Variants in MCPH1 observed in about 807,000 individuals in gnomAD.
MCPH1 encodes the protein microcephalin 1.
In MCPH1, 104 loss-of-function variants were observed where a neutral mutation model predicts 84.5. The observed-to-expected ratio is 1.23, with a 90% CI of 1.05 to 1.45. The LOEUF is 1.45. Ranked by LOEUF, MCPH1 falls within the 40% of genes most tolerant of loss-of-function variation. The pLI, the probability that MCPH1 is intolerant of heterozygous loss-of-function variation, is 0.00. For synonymous variants in MCPH1, 514 were observed against 366.8 expected, an observed-to-expected ratio of 1.40 and a Z score of -4.58; for missense variants, 1,498 against 1,005.7, an observed-to-expected ratio of 1.49 and a Z score of -6.62.
At chr8:6,459,000 A>G (rs1421945426) in intron 9 of MCPH1, among the ~76,000 whole-genome samples, 3 of 152,204 alleles carry the variant, frequency 2.0e-5, no homozygotes, top group Non-Finnish European at 4.4e-5. Flanking sequence ...ATCTTTTGAT[A>G]TGAGCATGGG....
At chr8:6,605,495 G>A (rs1024580496) in intron 12 of MCPH1, among the ~76,000 whole-genome samples, 2 of 152,148 alleles carry the variant, frequency 1.3e-5, no homozygotes, top group African/African-American at 4.8e-5. Context: ...CGAACAATAT[G>A]TCCTTAAACC....
intron 12 of MCPH1, among the ~76,000 whole-genome samples, chr8:6,614,980 G>A (rs1451552679): frequency 6.6e-6 from 1 of 151,542 alleles, no homozygotes; most frequent in African/African-American, 2.4e-5. Flanking sequence ...CCTAACACAC[G>A]GATCCCCCCA....
intron 12 of MCPH1, among the ~76,000 whole-genome samples, chr8:6,549,166 T>G (rs925016476): frequency 3.3e-5 from 5 of 152,218 alleles, no homozygotes; most frequent in Admixed American, 6.5e-5. Flanking sequence ...ATACATGGGT[T>G]TGTACAGTTG....
chr8:6,626,898 C>CT, intron 13 of MCPH1: 1 of 984,450 alleles, frequency 1.0e-6, no homozygotes, highest in Non-Finnish European at 1.2e-6. Context: ...CTCAGGCGCC[C>CT]TTTTATTGTC....
At chr8:6,517,344 C>T (rs978217124) in intron 12 of MCPH1, among the ~76,000 whole-genome samples, 2 of 152,144 alleles carry the variant, frequency 1.3e-5, no homozygotes, top group Admixed American at 1.3e-4. Context: ...GATTAAGTGA[C>T]GGGTTAAATA....
At chr8:6,574,553 A>T (rs1826916738) in intron 12 of MCPH1, among the ~76,000 whole-genome samples, 1 of 152,244 alleles carries the variant, frequency 6.6e-6, no homozygotes, top group Non-Finnish European at 1.5e-5. Context: ...TAAAGATGAA[A>T]GTAAAATTTT....
intron 8 of MCPH1, among the ~76,000 whole-genome samples, chr8:6,448,138 A>G (rs1262133738): frequency 2.6e-5 from 4 of 152,206 alleles, no homozygotes; most frequent in East Asian, 1.9e-4. Context: ...GTGTATAACA[A>G]TGTCAGCTAG....
Position 6,439,029 on chromosome 8 carries a change from G to C in MCPH1, c.513G>C (p.Arg171Ser), listed in dbSNP as rs2442513. 1.2e-6 allele frequency: 2 copies of C among 1,612,914 alleles called. No individual in the cohort carries two copies. Among genetic ancestry groups the C allele is most frequent in the Admixed American group, 3.3e-5 (2 of 60,020 alleles). ...IYTPTIEINS[R>S]HHSAMEKRLQ... ...CTCCCACAATTGAAATTAATAGTAG[G>C]CACCACAGCGCAATGGAGAAGAGAT... is the stretch of plus-strand genomic sequence containing the variant. Residue 171 changes from arginine to serine, a missense_variant, in exon 6 of 14, where the codon AGG becomes AGC. Physicochemically the swap from Arg to Ser is moderately radical, Grantham distance 110 (BLOSUM62 -1). Transcript: ENST00000344683.
rs576122587 is a variant in MCPH1 at position 6,642,931 on chromosome 8, G to T, written c.2453-63G>T. 6.3e-5 allele frequency: 93 copies of T among 1,467,752 alleles called. 1 individual carries two copies. In the Middle Eastern group the frequency reaches 1.4e-3, roughly 22 times the overall value. 90.9% of individuals were successfully genotyped at this position (1,467,752 alleles called of 1,614,324 possible). On this transcript the variant is annotated intron_variant, in intron 13 of 13. Transcript: ENST00000344683. Reference sequence around the variant, plus strand: ...TATAGTTTCATGTATATACAAACAGGTTATCACTTTCCTATGTGGCTGGCT... The same window carrying T: ...TATAGTTTCATGTATATACAAACAGTTTATCACTTTCCTATGTGGCTGGCT...
intron 4 of MCPH1, among the ~76,000 whole-genome samples, chr8:6,435,483 G>T (rs751174950): frequency 6.6e-6 from 1 of 152,140 alleles, no homozygotes; most frequent in African/African-American, 2.4e-5. Flanking sequence ...ATGCTGGGAG[G>T]TGTCATCTGA....
intron 12 of MCPH1, among the ~76,000 whole-genome samples, chr8:6,520,655 C>A (rs903720762): frequency 6.6e-6 from 1 of 152,200 alleles, no homozygotes; most frequent in Admixed American, 6.5e-5. Flanking sequence ...CTCAGCCTCC[C>A]AAAGTGCTGC....
intron 12 of MCPH1, chr8:6,503,211 G>A: frequency 6.2e-7 from 1 of 1,614,136 alleles, no homozygotes; most frequent in South Asian, 1.1e-5. Flanking sequence ...TGCCTCTGTG[G>A]ATAGTACATT....
At chr8:6,468,389 G>A (rs1263658905) in intron 9 of MCPH1, among the ~76,000 whole-genome samples, 1 of 152,100 alleles carries the variant, frequency 6.6e-6, no homozygotes, top group African/African-American at 2.4e-5. Flanking sequence ...CAGACCGCAG[G>A]CTTATTCTTA....
intron 3 of MCPH1, among the ~76,000 whole-genome samples, chr8:6,430,762 G>T (rs1408932660): frequency 1.3e-5 from 2 of 152,182 alleles, no homozygotes; most frequent in African/African-American, 2.4e-5. Context: ...ACATGGGAGT[G>T]ACAGAAGGTT....
rs1030958152 is a variant in MCPH1 at position 6,471,293 on chromosome 8, C to A, written c.1936-6301C>A. Among the ~76,000 whole-genome samples the A allele has an allele frequency of 7.9e-5, 12 of 152,286 alleles. 3 individuals carry two copies. The highest frequency in any genetic ancestry group is 7.8e-4 in the Admixed American group (12 of 15,302). ...GAATATCACTCTCAAATACGACATT[C>A]CAGCAAAGGCCATGGTTGCATAGCC... is the stretch of plus-strand genomic sequence containing the variant. On this transcript the variant is annotated intron_variant, in intron 9 of 13. Transcript: ENST00000344683.
At chr8:6,498,971 G>A (rs971221184) in intron 11 of MCPH1, among the ~76,000 whole-genome samples, 2 of 152,030 alleles carry the variant, frequency 1.3e-5, no homozygotes, top group African/African-American at 4.8e-5. Flanking sequence ...AGAATTGCTT[G>A]AACCTGGGAG....
chr8:6,520,718 C>T (rs117372330), intron 12 of MCPH1, among the ~76,000 whole-genome samples: 1,994 of 152,184 alleles, frequency 0.013, 16 homozygotes, highest in South Asian at 0.045. Flanking sequence ...ATATAAGAGA[C>T]GCTGCAAAGT....
intron 11 of MCPH1, among the ~76,000 whole-genome samples, chr8:6,486,830 A>T (rs1378032549): frequency 6.6e-6 from 1 of 152,222 alleles, no homozygotes; most frequent in Non-Finnish European, 1.5e-5. Context: ...TTAGACTCAC[A>T]TTGTTTTGTT....
chr8:6,489,418 G>T (rs868089162), intron 11 of MCPH1, among the ~76,000 whole-genome samples: 5 of 152,048 alleles, frequency 3.3e-5, no homozygotes, highest in Non-Finnish European at 7.4e-5. Flanking sequence ...AAGGAAGGAT[G>T]CTCAGCTGTG....
Sources: gnomAD v4.1 joint callset for allele counts (sites outside exome capture counted in the v4.1 genomes callset) on GRCh38, gnomAD v4.1.1 for gene constraint, MANE v1.5 for transcripts, NCBI Gene and HGNC (gene_info 2026-07-23, HGNC 2026-07-21) for gene names.